Variants in FRMD4A observed in about 807,000 individuals in gnomAD.
The protein encoded by FRMD4A is FERM domain containing 4A.
Under a neutral mutation model 129.1 loss-of-function variants are expected in FRMD4A, and 29 were observed. The observed-to-expected ratio is 0.22, with a 90% CI of 0.17 to 0.31. FRMD4A has a LOEUF of 0.31. FRMD4A is among the 10% of genes least tolerant of loss of function. FRMD4A has a pLI of 1.00. For synonymous variants in FRMD4A, 634 were observed against 571.6 expected (o/e 1.11, Z -1.56); for missense variants, 1,272 against 1,375.8 (o/e 0.92, Z 1.19).
intron 2 of FRMD4A, among the ~76,000 whole-genome samples, chr10:14,005,571 G>A (rs1483218011): frequency 6.6e-6 from 1 of 152,152 alleles, no homozygotes; most frequent in Non-Finnish European, 1.5e-5. Flanking sequence ...TCTTCTCTTT[G>A]GTTTTCACCA....
At chr10:13,959,652 C>T (rs2095434133) in intron 2 of FRMD4A, among the ~76,000 whole-genome samples, 1 of 151,952 alleles carries the variant, frequency 6.6e-6, no homozygotes, top group South Asian at 2.1e-4. Flanking sequence ...GCTTCATGAG[C>T]TTGGGAGGCA....
chr10:13,778,741 C>T (rs913279856), intron 6 of FRMD4A, among the ~76,000 whole-genome samples: 7 of 152,050 alleles, frequency 4.6e-5, no homozygotes, highest in African/African-American at 1.7e-4. Flanking sequence ...CATCGAACAC[C>T]TCACAGACAA....
chr10:14,144,323 G>T (rs1186910124), intron 2 of FRMD4A, among the ~76,000 whole-genome samples: 1 of 152,182 alleles, frequency 6.6e-6, no homozygotes, highest in Non-Finnish European at 1.5e-5. Flanking sequence ...AAAGAGGAGA[G>T]GGGAGTGGAG....
At chr10:13,917,776 C>T (rs1218035122) in intron 2 of FRMD4A, among the ~76,000 whole-genome samples, 7 of 152,204 alleles carry the variant, frequency 4.6e-5, no homozygotes, top group Non-Finnish European at 1.0e-4. Flanking sequence ...CTCTTTGCAA[C>T]ACCCGGCAAA....
intron 15 of FRMD4A, among the ~76,000 whole-genome samples, chr10:13,679,375 C>T (rs1341418027): frequency 6.3e-5 from 8 of 126,586 alleles, no homozygotes; most frequent in Admixed American, 5.6e-4. Context: ...TGCAATGAGC[C>T]GAGATTGGTC....
intron 2 of FRMD4A, among the ~76,000 whole-genome samples, chr10:14,040,701 C>T (rs548566283): frequency 4.6e-4 from 70 of 152,060 alleles, no homozygotes; most frequent in Non-Finnish European, 7.6e-4. Flanking sequence ...TTCTTATTAA[C>T]AGGATGAGTA....
chr10:13,678,310 C>T (rs1427019451), intron 15 of FRMD4A, among the ~76,000 whole-genome samples: 1 of 152,184 alleles, frequency 6.6e-6, no homozygotes, highest in Non-Finnish European at 1.5e-5. Flanking sequence ...GGAGTTACTT[C>T]AGGGCGAAGA....
chr10:13,866,360 C>T (rs1158284781), intron 2 of FRMD4A: 4 of 677,004 alleles, frequency 5.9e-6, no homozygotes, highest in Non-Finnish European at 7.3e-6. Context: ...TGACCTCTGA[C>T]CCAGGCTGTT....
chr10:13,645,226 G>A lies in FRMD4A; in HGVS notation c.*1812C>T, dbSNP rs1273398728. On this transcript the variant is annotated 3_prime_UTR_variant, in exon 25 of 25. Transcript: ENST00000357447. ...GGATTCCACATACATGAAAAGCGAA[G>A]ATTTTTCTTTGTTTTTATGCTTAAG... is the stretch of plus-strand genomic sequence containing the variant. 2 of 152,134 alleles carry A rather than the reference G, an allele frequency of 1.3e-5. No homozygotes were observed. Among genetic ancestry groups the A allele is most frequent in the Non-Finnish European group, 2.9e-5 (2 of 68,030 alleles). The allele number at this position is 152,134 out of a possible 1,614,324, so 9.4% of individuals were successfully genotyped here.
intron 2 of FRMD4A, among the ~76,000 whole-genome samples, chr10:14,137,773 C>T (rs1427011526): frequency 2.6e-5 from 4 of 152,130 alleles, no homozygotes; most frequent in East Asian, 1.9e-4. Flanking sequence ...CACTCCCTGC[C>T]CTCCTTTGCT....
At position 14,197,486 on chromosome 10, in the gene FRMD4A, G is replaced by A. The variant is rs57771313; in HGVS notation, c.45+132572C>T. ...AGCAATTCTCCTGCCTCAGCCTCCC[G>A]AGTAGCTGGGATTACAGGCGTCCGC... On this transcript the variant is annotated intron_variant, in intron 2 of 24. Coordinates refer to ENST00000357447, the MANE Select transcript of FRMD4A (RefSeq NM_018027.5). Among the ~76,000 whole-genome samples the A allele has an allele frequency of 8.7e-3, 1,328 of 152,152 alleles. 25 individuals carry two copies. The highest frequency in any genetic ancestry group is 0.029 in the African/African-American group (1,190 of 41,492).
chr10:14,261,581 A>C (rs1844803090), intron 2 of FRMD4A, among the ~76,000 whole-genome samples: 1 of 152,196 alleles, frequency 6.6e-6, no homozygotes, highest in African/African-American at 2.4e-5. Context: ...CTTCCAGGGA[A>C]TATGCCATTG....
chr10:13,837,120 G>C (rs1327545011), intron 3 of FRMD4A, among the ~76,000 whole-genome samples: 1 of 152,186 alleles, frequency 6.6e-6, no homozygotes, highest in East Asian at 1.9e-4. Flanking sequence ...GGTGAGGATG[G>C]TGAGGCATTT....
chr10:13,974,493 A>G (rs1178306435), intron 2 of FRMD4A, among the ~76,000 whole-genome samples: 1 of 152,038 alleles, frequency 6.6e-6, no homozygotes, highest in Non-Finnish European at 1.5e-5. Context: ...TGTATCTTCA[A>G]TCATCTACAT....
intron 2 of FRMD4A, among the ~76,000 whole-genome samples, chr10:14,089,800 G>T (rs1370431743): frequency 6.6e-6 from 1 of 152,228 alleles, no homozygotes; most frequent in Non-Finnish European, 1.5e-5. Context: ...TGGGGCCGGG[G>T]CACACAGTGC....
chr10:13,944,421 A>G (rs140948314), intron 2 of FRMD4A, among the ~76,000 whole-genome samples: 24 of 152,174 alleles, frequency 1.6e-4, no homozygotes, highest in African/African-American at 5.5e-4. Context: ...AAACAAATTC[A>G]GGGTTCCCAC....
intron 12 of FRMD4A, among the ~76,000 whole-genome samples, chr10:13,714,032 A>ATATAAAATATATAT (rs1554858940): frequency 9.0e-5 from 3 of 33,258 alleles, no homozygotes; most frequent in African/African-American, 2.6e-4. Context: ...ATATACATAT[A>ATATAAAATATATAT]TATATATATA....
chr10:14,282,247 A>C (rs985332052), intron 2 of FRMD4A, among the ~76,000 whole-genome samples: 1 of 152,182 alleles, frequency 6.6e-6, no homozygotes, highest in African/African-American at 2.4e-5. Flanking sequence ...GTGGAGACAC[A>C]GCCAAAGCAT....
At chr10:14,095,649 C>T (rs1468031001) in intron 2 of FRMD4A, among the ~76,000 whole-genome samples, 5 of 152,258 alleles carry the variant, frequency 3.3e-5, no homozygotes, top group Non-Finnish European at 7.3e-5. Flanking sequence ...CCAAAATCAT[C>T]ATTCCTCTCC....
Sources: allele counts gnomAD v4.1 joint callset (sites outside exome capture counted in the v4.1 genomes callset), GRCh38; gene constraint gnomAD v4.1.1; transcripts MANE v1.5; gene names NCBI Gene and HGNC (gene_info 2026-07-23, HGNC 2026-07-21).